The following EPB41L1 variants were observed in gnomAD, a reference collection of about 807,000 sequenced individuals.
EPB41L1 encodes the protein erythrocyte membrane protein band 4.1 like 1.
A neutral mutation model predicts 97.8 loss-of-function variants in EPB41L1; 29 were observed. That is an observed-to-expected ratio of 0.30 (90% CI 0.22 to 0.40). The LOEUF (loss-of-function observed/expected upper bound fraction) is 0.40, where lower values mean the gene tolerates loss of function less well. EPB41L1 is among the 10% of genes least tolerant of loss of function. The probability of loss-of-function intolerance (pLI) is 1.00; values close to 1 mark genes in which losing one functional copy is unlikely to be tolerated. For missense variants in EPB41L1, 812 were observed against 1,162.3 expected (o/e 0.70, Z 4.38); for synonymous variants, 383 against 459.2 (o/e 0.83, Z 2.12).
chr20:36,220,057 A>C (rs1293949087), intron 19 of EPB41L1, among the ~76,000 whole-genome samples: 1 of 152,268 alleles, frequency 6.6e-6, no homozygotes, highest in Non-Finnish European at 1.5e-5. Context: ...GCTAGGGGGA[A>C]CAATACTCTC....
At chr20:36,167,588 G>T (rs894219188) in intron 1 of EPB41L1, among the ~76,000 whole-genome samples, 1 of 151,804 alleles carries the variant, frequency 6.6e-6, no homozygotes, top group Non-Finnish European at 1.5e-5. Flanking sequence ...GGTGCCTGTA[G>T]TCTCAGCTAC....
chr20:36,229,454 T>A lies in EPB41L1; in HGVS notation c.*114T>A. On this transcript the variant is annotated 3_prime_UTR_variant, in exon 22 of 22. Coordinates refer to ENST00000338074, the MANE Select transcript of EPB41L1 (RefSeq NM_012156.2). ...CACTGACGTCCCAGCTGCGACGTAC[T>A]GTCACTGATGAGAGACTGGGAAGGG... is the stretch of plus-strand genomic sequence containing the variant. 2 of 961,776 alleles carry A rather than the reference T, an allele frequency of 2.1e-6. No individual in the cohort carries two copies. Among genetic ancestry groups the A allele is most frequent in the Non-Finnish European group, 3.4e-6 (2 of 587,072 alleles). 59.6% of individuals were successfully genotyped at this position (961,776 alleles called of 1,614,324 possible). A position where few individuals can be genotyped will look rare whatever the true frequency, so the allele number is the denominator to read the frequency against.
intron 17 of EPB41L1, among the ~76,000 whole-genome samples, chr20:36,216,453 T>C (rs1397895521): frequency 1.3e-5 from 2 of 152,224 alleles, no homozygotes; most frequent in Non-Finnish European, 2.9e-5. Context: ...TCAAATGTCA[T>C]ATACCAAGTT....
At position 36,195,222 on chromosome 20, in the gene EPB41L1, G is replaced by A. The variant is rs1264560751; in HGVS notation, c.1450-107G>A. On this transcript the variant is annotated intron_variant, in intron 12 of 21. Transcript: ENST00000338074. The surrounding 1 kb of genome is among the most constrained non-coding windows in gnomAD (Gnocchi z 4.6). ...GCTGCCCTGGCCTCCACTTGGTCGAGTGTGCGTGCTCTGGGCTCCTTGCTG... is the reference window on the plus strand; with the variant it reads ...GCTGCCCTGGCCTCCACTTGGTCGAATGTGCGTGCTCTGGGCTCCTTGCTG... 3 of 1,383,516 alleles carry A rather than the reference G, an allele frequency of 2.2e-6. No individual in the cohort carries two copies. The highest frequency in any genetic ancestry group is 1.4e-5 in the African/African-American group (1 of 69,832). The allele number at this position is 1,383,516 out of a possible 1,614,324, so 85.7% of individuals were successfully genotyped here.
Position 36,185,184 on chromosome 20 carries a change from C to T in EPB41L1, c.634C>T (p.His212Tyr). ...CCGGCTGCCATGCTCCTTTGTCACG[C>T]ATGCCCTACTGGGCTCCTACGCTGT... ...TGRLPCSFVTHALLGSYAVQA... is the reference protein window; with the variant it reads ...TGRLPCSFVTYALLGSYAVQA... Residue 212 changes from histidine (H) to tyrosine (Y), a missense_variant, in exon 7 of 22, where the codon CAT (histidine) becomes TAT (tyrosine). Transcript: ENST00000338074. 1 of 1,613,464 alleles carries T rather than the reference C, an allele frequency of 6.2e-7. No homozygotes were observed. Among genetic ancestry groups the T allele is most frequent in the Non-Finnish European group, 8.5e-7 (1 of 1,180,042 alleles).
At chr20:36,185,385 C>T (rs773677983) in intron 7 of EPB41L1, 50 bp downstream of exon 7, 1 of 1,557,264 alleles carries the variant, frequency 6.4e-7, no homozygotes, top group African/African-American at 1.4e-5. Flanking sequence ...CCAGTGGGAG[C>T]CTTCCTTGCA....
intron 1 of EPB41L1, chr20:36,109,607 G>C (rs564164356): frequency 6.6e-6 from 1 of 152,334 alleles, no homozygotes; most frequent in African/African-American, 2.4e-5. Context: ...TAGCTTGAGG[G>C]TGGGAGTTGG....
rs115733061 is a variant in EPB41L1 at position 36,214,813 on chromosome 20, C to T, written c.2268+373C>T. Among the ~76,000 whole-genome samples, 994 of 152,038 alleles carry T rather than the reference C, an allele frequency of 6.5e-3. 19 individuals are homozygous for T. Among genetic ancestry groups the T allele is most frequent in the African/African-American group, 0.023 (946 of 41,444 alleles). ...TCCACTCTGAAGGTGAGGCTGGACCCATCCTGGTGGCTGCACATTGTCTCA... is the reference window on the plus strand; with the variant it reads ...TCCACTCTGAAGGTGAGGCTGGACCTATCCTGGTGGCTGCACATTGTCTCA... On this transcript the variant is annotated intron_variant, in intron 17 of 21. Transcript: ENST00000338074.
chr20:36,222,528 C>G (rs1471263837), intron 21 of EPB41L1, 134 bp downstream of exon 21: 5 of 700,426 alleles, frequency 7.1e-6, no homozygotes, highest in Non-Finnish European at 1.2e-5. Context: ...ATCAGCCTTC[C>G]TGATTTGCTG....
intron 2 of EPB41L1, among the ~76,000 whole-genome samples, chr20:36,134,114 G>C (rs1189753635): frequency 6.6e-6 from 1 of 152,200 alleles, no homozygotes; most frequent in Non-Finnish European, 1.5e-5. Context: ...GGGCCACTCA[G>C]CTAGGAAGTG....
chr20:36,140,231 GTT>G (rs756465286), intron 2 of EPB41L1, among the ~76,000 whole-genome samples: 9 of 121,318 alleles, frequency 7.4e-5, no homozygotes, highest in Non-Finnish European at 7.1e-5. Context: ...CTTTTTGTAT[GTT>G]TTTTTTTTTT....
chr20:36,226,499 A>G (rs1274704057), intron 21 of EPB41L1, among the ~76,000 whole-genome samples: 3 of 152,222 alleles, frequency 2.0e-5, no homozygotes, highest in South Asian at 4.1e-4. Flanking sequence ...AGCTGTGAAC[A>G]TGATGGATTG....
At chr20:36,097,557 G>A (rs778847224) in intron 1 of EPB41L1, among the ~76,000 whole-genome samples, 3 of 152,162 alleles carry the variant, frequency 2.0e-5, no homozygotes, top group Non-Finnish European at 4.4e-5. Flanking sequence ...TACAAAAACA[G>A]AAATGAATCC....
At position 36,173,802 on chromosome 20, in the gene EPB41L1, T is replaced by C. The variant is rs2061101274; in HGVS notation, c.25T>C (p.Ser9Pro). The C allele has an allele frequency of 6.2e-6, 10 of 1,614,144 alleles. No homozygotes were observed. Among genetic ancestry groups the C allele is most frequent in the Non-Finnish European group, 8.5e-6 (10 of 1,180,028 alleles). ...CATGACAACAGAGACAGGCCCCGACTCTGAGGTGAAGAAAGCTCAGGAGGA... is the reference window on the plus strand; with the variant it reads ...CATGACAACAGAGACAGGCCCCGACCCTGAGGTGAAGAAAGCTCAGGAGGA... The part of the protein sequence containing the change: MTTETGPD[S>P]EVKKAQEEAP... Residue 9 changes from serine to proline, a missense_variant, in exon 2 of 22, where the codon TCT becomes CCT. Transcript: ENST00000338074.
rs529770669 is a variant in EPB41L1, at chr20:36,094,165, A to G, written c.-65+2553A>G. On this transcript the variant is annotated intron_variant, in intron 1 of 19. Transcript: ENST00000202028. ...ATTTGGGTGTATAGTGAACAGTGAA[A>G]ATGTATCTCTTGATGTATATGTGTG... Among the ~76,000 whole-genome samples, 180 of 152,236 alleles carry G rather than the reference A, an allele frequency of 1.2e-3. 3 individuals are homozygous for G. The highest frequency in any genetic ancestry group is 3.4e-3 in the Middle Eastern group (1 of 294).
chr20:36,209,649 C>G lies in EPB41L1; in HGVS notation c.1830C>G (p.Val610=). 6.2e-7 allele frequency: 1 copy of G among 1,614,224 alleles called. No homozygotes were observed. Residue 610 remains valine (V), a synonymous_variant, in exon 15 of 22, where the codon GTC becomes GTG. Coordinates refer to ENST00000338074, the MANE Select transcript of EPB41L1 (RefSeq NM_012156.2). This position sits in a 1 kb window ranked among gnomAD's most constrained non-coding sequence, Gnocchi z 4.2. ...AGCGCAAGTGCTCCAGCATCACGGT[C>G]AGCTCTACGTCTAGCCTGGAGGCTG... ...AIERKCSSIT[V]SSTSSLEAEV... is the part of the protein sequence containing the mutation.
chr20:36,136,535 T>C (rs930972508), intron 2 of EPB41L1, among the ~76,000 whole-genome samples: 9 of 151,950 alleles, frequency 5.9e-5, no homozygotes, highest in African/African-American at 1.9e-4. Context: ...TAGGTTCATA[T>C]TGTGTAACAC....
At chr20:36,228,340 G>A (rs139705955) in intron 21 of EPB41L1, among the ~76,000 whole-genome samples, 1 of 152,314 alleles carries the variant, frequency 6.6e-6, no homozygotes, top group Non-Finnish European at 1.5e-5. Context: ...CTGGGCCCTT[G>A]CTTCAGTTCC....
At chr20:36,228,102 G>A (rs1448563729) in intron 21 of EPB41L1, among the ~76,000 whole-genome samples, 2 of 152,240 alleles carry the variant, frequency 1.3e-5, no homozygotes, top group Non-Finnish European at 2.9e-5. Flanking sequence ...TCCATTTTCT[G>A]TGATTCCGTT....
Sources: allele counts gnomAD v4.1 joint callset (sites outside exome capture counted in the v4.1 genomes callset), GRCh38; gene constraint gnomAD v4.1.1; non-coding constraint Gnocchi (gnomAD v3.1); transcripts MANE v1.5; gene names NCBI Gene and HGNC (gene_info 2026-07-23, HGNC 2026-07-21).